The following NEDD9 variants were observed in gnomAD, a reference collection of about 807,000 sequenced individuals.
NEDD9 encodes the protein neural precursor cell expressed, developmentally down-regulated 9, also known as enhancer of filamentation 1.
A neutral mutation model predicts 76.6 loss-of-function variants in NEDD9; 26 were observed. The ratio of observed to expected loss-of-function variants is 0.34; its 90% CI spans 0.25 to 0.47. The LOEUF (loss-of-function observed/expected upper bound fraction) is 0.47. Ranked by LOEUF, NEDD9 falls within the 20% of genes least tolerant of loss-of-function variation. The pLI, the probability that NEDD9 is intolerant of heterozygous loss-of-function variation, is 1.00. For missense variants in NEDD9, 937 were observed against 1,058.5 expected, an observed-to-expected ratio of 0.89 and a Z score of 1.59; for synonymous variants, 392 against 414.2, an observed-to-expected ratio of 0.95 and a Z score of 0.65.
chr6:11,289,466 T>G (rs1760718497), intron 3 of NEDD9, among the ~76,000 whole-genome samples: 1 of 152,232 alleles, frequency 6.6e-6, no homozygotes, highest in East Asian at 1.9e-4. Context: ...TATTTATTTA[T>G]TTTTGAGATG....
intron 3 of NEDD9, among the ~76,000 whole-genome samples, chr6:11,279,589 T>A (rs1465572544): frequency 6.6e-6 from 1 of 152,210 alleles, no homozygotes; most frequent in African/African-American, 2.4e-5. Flanking sequence ...AACTTTTATT[T>A]CTTTCTTATG....
At chr6:11,303,793 G>A (rs903305915) in intron 3 of NEDD9, among the ~76,000 whole-genome samples, 8 of 152,066 alleles carry the variant, frequency 5.3e-5, no homozygotes, top group African/African-American at 9.6e-5. Context: ...TCTTTACACC[G>A]TATATAAAAA....
chr6:11,191,302 G>A lies in NEDD9; in HGVS notation c.664-97C>T, dbSNP rs187033156. On this transcript the variant is annotated intron_variant, in intron 4 of 6. Transcript: ENST00000379446. The stretch of plus-strand genomic sequence containing the variant: ...AGTCCTATTTGCTGGCACTTTTTCG[G>A]TCGCCCTCCCCCGCCCCAATGTTAG... 7 of 1,331,586 alleles carry A rather than the reference G, an allele frequency of 5.3e-6. No homozygotes were observed. In the African/African-American group the frequency reaches 8.9e-5, roughly 17 times the overall value. The allele number at this position is 1,331,586 out of a possible 1,614,324, so 82.5% of individuals were successfully genotyped here. A position where few individuals can be genotyped will look rare whatever the true frequency, so the allele number is the denominator to read the frequency against.
At chr6:11,239,063 A>G (rs937283652) in intron 3 of NEDD9, among the ~76,000 whole-genome samples, 2 of 152,102 alleles carry the variant, frequency 1.3e-5, no homozygotes, top group African/African-American at 4.8e-5. Context: ...GTTACTTAGG[A>G]GGCTGAGGGG....
At chr6:11,203,454 G>A (rs1229281286) in intron 2 of NEDD9, among the ~76,000 whole-genome samples, 1 of 152,182 alleles carries the variant, frequency 6.6e-6, no homozygotes, top group Non-Finnish European at 1.5e-5. Context: ...CCCAAATGCC[G>A]ATTGGTATCA....
At chr6:11,279,714 A>G (rs1182404125) in intron 3 of NEDD9, among the ~76,000 whole-genome samples, 1 of 152,050 alleles carries the variant, frequency 6.6e-6, no homozygotes, top group Non-Finnish European at 1.5e-5. Context: ...GCATTAGTTG[A>G]GAAGCCGGGG....
chr6:11,308,948 T>C (rs1256656485), intron 2 of NEDD9, among the ~76,000 whole-genome samples: 2 of 152,234 alleles, frequency 1.3e-5, no homozygotes, highest in African/African-American at 2.4e-5. Context: ...TTTATTTGTA[T>C]ATAAGCAAAG....
intron 2 of NEDD9, among the ~76,000 whole-genome samples, chr6:11,317,721 C>T (rs1237809436): frequency 4.6e-5 from 7 of 152,178 alleles, no homozygotes; most frequent in African/African-American, 9.6e-5. Flanking sequence ...AGATGATAAA[C>T]GGGAAATGGG....
intron 1 of NEDD9, among the ~76,000 whole-genome samples, chr6:11,348,378 G>A (rs1211688236): frequency 6.6e-6 from 1 of 152,162 alleles, no homozygotes; most frequent in African/African-American, 2.4e-5. Flanking sequence ...CAGATTCAAT[G>A]CTATTCCTAT....
intron 3 of NEDD9, among the ~76,000 whole-genome samples, chr6:11,280,010 A>G (rs1450223227): frequency 3.9e-5 from 6 of 152,102 alleles, no homozygotes; most frequent in African/African-American, 1.4e-4. Context: ...CAGGATTCTC[A>G]TCCTTGGCCT....
At chr6:11,343,316 C>A (rs1762309918) in intron 1 of NEDD9, among the ~76,000 whole-genome samples, 1 of 152,016 alleles carries the variant, frequency 6.6e-6, no homozygotes, top group Non-Finnish European at 1.5e-5. Flanking sequence ...GTAATCCCAG[C>A]TACTCAGGAG....
chr6:11,202,735 A>C (rs897504624), intron 2 of NEDD9, among the ~76,000 whole-genome samples: 1 of 152,238 alleles, frequency 6.6e-6, no homozygotes, highest in Admixed American at 6.5e-5. Flanking sequence ...GCCATGTCCA[A>C]GGTTAACTCT....
intron 3 of NEDD9, among the ~76,000 whole-genome samples, chr6:11,242,097 T>C (rs1289416219): frequency 6.6e-6 from 1 of 152,170 alleles, no homozygotes; most frequent in East Asian, 1.9e-4. Context: ...GACTGGGTGG[T>C]GATAAAGACA....
intron 1 of NEDD9, among the ~76,000 whole-genome samples, chr6:11,223,727 G>C (rs9468677): frequency 2.6e-5 from 4 of 152,174 alleles, no homozygotes; most frequent in African/African-American, 9.7e-5. Context: ...CAAATCCCCC[G>C]CACTGCTTAA....
At chr6:11,287,892 T>C (rs1231707380) in intron 3 of NEDD9, among the ~76,000 whole-genome samples, 1 of 152,218 alleles carries the variant, frequency 6.6e-6, no homozygotes, top group East Asian at 1.9e-4. Flanking sequence ...TAACAATTAC[T>C]GCAACTGAGT....
Position 11,213,146 on chromosome 6 carries a change from G to T in NEDD9, c.459+135C>A. ...AATGGCAAAATCATGCAAACATGAT[G>T]CCTGAGCTAAGGTATTGGTTATATC... is the stretch of plus-strand genomic sequence containing the variant. On this transcript the variant is annotated intron_variant, in intron 2 of 6. Coordinates refer to ENST00000379446, the MANE Select transcript of NEDD9 (RefSeq NM_006403.4). The surrounding 1 kb of genome is among the most constrained non-coding windows in gnomAD (Gnocchi z 5.4). The T allele has an allele frequency of 1.2e-6, 1 of 808,304 alleles. No homozygotes were observed. The allele number at this position is 808,304 out of a possible 1,614,324, so 50.1% of individuals were successfully genotyped here. A position where few individuals can be genotyped will look rare whatever the true frequency, so the allele number is the denominator to read the frequency against.
At chr6:11,214,564 C>T (rs146004423) in intron 1 of NEDD9, among the ~76,000 whole-genome samples, 33 of 152,354 alleles carry the variant, frequency 2.2e-4, no homozygotes, top group African/African-American at 6.7e-4. Flanking sequence ...TGTATGAAGG[C>T]CTGTCTGGCA....
At chr6:11,251,001 TC>T (rs1479686347) in intron 3 of NEDD9, among the ~76,000 whole-genome samples, 2 of 152,226 alleles carry the variant, frequency 1.3e-5, no homozygotes, top group African/African-American at 4.8e-5. Context: ...CCAGAATTTT[TC>T]TGCTGTAAGG....
intron 3 of NEDD9, among the ~76,000 whole-genome samples, chr6:11,286,677 T>C (rs1760655915): frequency 6.6e-6 from 1 of 152,154 alleles, no homozygotes; most frequent in South Asian, 2.1e-4. Context: ...ACAACATAGA[T>C]ACAAATCAAA....
Sources: gnomAD v4.1 joint callset for allele counts (sites outside exome capture counted in the v4.1 genomes callset) on GRCh38, gnomAD v4.1.1 for gene constraint, Gnocchi (gnomAD v3.1) non-coding constraint, MANE v1.5 for transcripts, NCBI Gene and HGNC (gene_info 2026-07-23, HGNC 2026-07-21) for gene names.